The following LOC128462377 variants were observed in gnomAD, a reference collection of about 807,000 sequenced individuals.
the LOC128462377 span, among the ~76,000 whole-genome samples, chr16:89,399,932 C>T: frequency 1.3e-5 from 2 of 152,302 alleles, no homozygotes; most frequent in East Asian, 3.9e-4. Flanking sequence ...GACCAAGAAG[C>T]AGAGTAAGCC....
At chr16:89,389,666 C>G in the LOC128462377 span, among the ~76,000 whole-genome samples, 1 of 152,156 alleles carries the variant, frequency 6.6e-6, no homozygotes, top group Admixed American at 6.5e-5. Context: ...AACGGCATGT[C>G]AACAACTCAA....
the LOC128462377 span, among the ~76,000 whole-genome samples, chr16:89,335,236 C>T: frequency 6.6e-6 from 1 of 152,270 alleles, no homozygotes; most frequent in Middle Eastern, 3.4e-3. Context: ...CTGGGAGACG[C>T]GGGTGACAGC....
chr16:89,403,404 C>T, the LOC128462377 span, among the ~76,000 whole-genome samples: 2 of 152,128 alleles, frequency 1.3e-5, no homozygotes, highest in Non-Finnish European at 1.5e-5. Flanking sequence ...GCAGAGCACA[C>T]GCAGGTGAGG....
the LOC128462377 span, among the ~76,000 whole-genome samples, chr16:89,330,145 T>C: frequency 1.3e-5 from 2 of 152,104 alleles, no homozygotes; most frequent in Non-Finnish European, 2.9e-5. Flanking sequence ...TTTAAAGCAT[T>C]CAATATAAAA....
At chr16:89,376,723 G>C in the LOC128462377 span, among the ~76,000 whole-genome samples, 4,484 of 152,240 alleles carry the variant, frequency 0.029, 151 homozygotes, top group African/African-American at 0.075. Flanking sequence ...ACAGGCGTGC[G>C]CCACCACGCC....
At chr16:89,388,967 T>C in the LOC128462377 span, among the ~76,000 whole-genome samples, 1 of 152,188 alleles carries the variant, frequency 6.6e-6, no homozygotes, top group Non-Finnish European at 1.5e-5. Context: ...AATATACAAT[T>C]ATCCAGCACA....
At chr16:89,399,841 C>A in the LOC128462377 span, among the ~76,000 whole-genome samples, 1 of 152,116 alleles carries the variant, frequency 6.6e-6, no homozygotes, top group Non-Finnish European at 1.5e-5. Flanking sequence ...GTCAGAAAGA[C>A]AAAATGGTCC....
At chr16:89,391,227 C>CAAAAAA in the LOC128462377 span, among the ~76,000 whole-genome samples, 1 of 95,338 alleles carries the variant, frequency 1.0e-5, no homozygotes, top group African/African-American at 3.8e-5. Context: ...GACTCTGTCT[C>CAAAAAA]AAAAAAAAAA....
chr16:89,352,431 T>C, the LOC128462377 span, among the ~76,000 whole-genome samples: 2,361 of 150,026 alleles, frequency 0.016, 57 homozygotes, highest in African/African-American at 0.055. Context: ...CTCAGGTCAG[T>C]GGCAGGAGGG....
the LOC128462377 span, among the ~76,000 whole-genome samples, chr16:89,403,356 G>T: frequency 6.6e-6 from 1 of 152,154 alleles, no homozygotes; most frequent in Non-Finnish European, 1.5e-5. Flanking sequence ...CCGCGTGGAA[G>T]AACATGGAGG....
chr16:89,350,863 C>T, the LOC128462377 span, among the ~76,000 whole-genome samples: 2 of 152,132 alleles, frequency 1.3e-5, no homozygotes, highest in Non-Finnish European at 2.9e-5. Context: ...TGGAGTGGAA[C>T]GGGTCCCATG....
the LOC128462377 span, among the ~76,000 whole-genome samples, chr16:89,340,399 T>G: frequency 1.3e-5 from 2 of 152,232 alleles, no homozygotes; most frequent in African/African-American, 4.8e-5. Flanking sequence ...TGCAGCCCCC[T>G]GAGTAGCTGA....
the LOC128462377 span, among the ~76,000 whole-genome samples, chr16:89,348,372 G>A: frequency 6.6e-6 from 1 of 152,116 alleles, no homozygotes; most frequent in Non-Finnish European, 1.5e-5. Context: ...TGCTCATGAG[G>A]TATCGCTATC....
At chr16:89,319,171 C>A in the LOC128462377 span, among the ~76,000 whole-genome samples, 6 of 152,378 alleles carry the variant, frequency 3.9e-5, no homozygotes, top group South Asian at 8.3e-4. Context: ...AGATGTGAGT[C>A]TGTGGCCCAC....
the LOC128462377 span, among the ~76,000 whole-genome samples, chr16:89,348,828 TTCTCCTGA>T: frequency 6.6e-6 from 1 of 151,908 alleles, no homozygotes; most frequent in East Asian, 1.9e-4. Flanking sequence ...TTGCTTCTTT[TTCTCCTGA>T]TCCATTTGGC....
the LOC128462377 span, among the ~76,000 whole-genome samples, chr16:89,375,247 G>A: frequency 2.0e-5 from 3 of 152,234 alleles, no homozygotes; most frequent in East Asian, 1.9e-4. Context: ...TCGTCTCCGC[G>A]TGAGCAGCTG....
the LOC128462377 span, among the ~76,000 whole-genome samples, chr16:89,368,371 GTTTTTTTTTTTTTTTTTTTTTTT>G: frequency 1.2e-3 from 69 of 56,596 alleles, no homozygotes; most frequent in Admixed American, 3.9e-3. Flanking sequence ...TAATTTTTGT[GTTTTTTTTTTTTTTTTTTTTTTT>G]TTTTTTTTAG....
chr16:89,363,978 T>C, the LOC128462377 span, among the ~76,000 whole-genome samples: 1 of 152,136 alleles, frequency 6.6e-6, no homozygotes, highest in Non-Finnish European at 1.5e-5. Context: ...GAGGACAGCT[T>C]GAGCCCGGGA....
the LOC128462377 span, among the ~76,000 whole-genome samples, chr16:89,395,259 G>A: frequency 2.6e-5 from 4 of 152,354 alleles, no homozygotes; most frequent in Non-Finnish European, 5.9e-5. Context: ...GAGCCCCAGG[G>A]AAGGGCTGCG....
Sources: allele counts gnomAD v4.1 joint callset (sites outside exome capture counted in the v4.1 genomes callset), GRCh38; gene constraint gnomAD v4.1.1; transcripts MANE v1.5.